The following UBE3A variants were observed in gnomAD, a reference collection of about 807,000 sequenced individuals.
The protein encoded by UBE3A is ubiquitin-protein ligase E3A.
In UBE3A, 6 loss-of-function variants were observed where a neutral mutation model predicts 83.4. That is an observed-to-expected ratio of 0.07 (90% CI 0.04 to 0.14). UBE3A has a LOEUF of 0.14. UBE3A is among the 10% of genes least tolerant of loss of function. The pLI is 1.00. For synonymous variants in UBE3A, 337 were observed against 355.4 expected (o/e 0.95, Z 0.58); for missense variants, 456 against 1,036.1 (o/e 0.44, Z 7.69).
At chr15:25,387,388 G>A (rs2083355274) in intron 4 of UBE3A, among the ~76,000 whole-genome samples, 1 of 152,160 alleles carries the variant, frequency 6.6e-6, no homozygotes, top group African/African-American at 2.4e-5. Flanking sequence ...CACACGTGGT[G>A]GCAGGCGCCT....
chr15:25,389,983 CCAA>C (rs1393444431), intron 4 of UBE3A, among the ~76,000 whole-genome samples: 2 of 152,090 alleles, frequency 1.3e-5, no homozygotes, highest in Admixed American at 1.3e-4. Context: ...AAAAAATTGG[CCAA>C]CAACCTTAAC....
At chr15:25,366,147 T>C (rs1392940045) in intron 6 of UBE3A, among the ~76,000 whole-genome samples, 2 of 152,218 alleles carry the variant, frequency 1.3e-5, no homozygotes, top group Non-Finnish European at 1.5e-5. Context: ...GAAATTACTT[T>C]GAGGGCATAA....
rs1308150859 is a variant in UBE3A at position 25,334,968 on chromosome 15, A to G, written c.*4169T>C. 6.6e-6 allele frequency: 1 copy of G among 151,858 alleles called. No homozygotes were observed. The highest frequency in any genetic ancestry group is 1.5e-5 in the Non-Finnish European group (1 of 68,032). 9.4% of individuals were successfully genotyped at this position (151,858 alleles called of 1,614,324 possible). ...AAGATAACAGAAAGATGGAGGTAAT[A>G]ACATGTGAAAGGCAAAATGGTTTGT... On this transcript the variant is annotated 3_prime_UTR_variant, in exon 13 of 13. Transcript: ENST00000648336.
chr15:25,424,368 A>G (rs1354998191), intron 1 of UBE3A, among the ~76,000 whole-genome samples: 1 of 152,142 alleles, frequency 6.6e-6, no homozygotes, highest in Non-Finnish European at 1.5e-5. Context: ...ATTTCAGTGA[A>G]GTTTTCTCTA....
rs1321792576 is a variant in UBE3A at position 25,416,824 on chromosome 15, AAAAC to A, written c.-164-4857_-164-4854del. Among the ~76,000 whole-genome samples the A allele has an allele frequency of 4.5e-4, 69 of 152,120 alleles. 1 individual carries two copies. Among genetic ancestry groups the A allele is most frequent in the African/African-American group, 1.6e-3 (68 of 41,432 alleles). On this transcript the variant is annotated intron_variant, in intron 1 of 12. Transcript: ENST00000648336. ...GAGGACTATAATGCATGAAAGGACAAAAACAAAGGAGGTGAGCCATCCACTGCTT... is the reference window on the plus strand; with the variant it reads ...GAGGACTATAATGCATGAAAGGACAAAAAGGAGGTGAGCCATCCACTGCTT...
intron 6 of UBE3A, among the ~76,000 whole-genome samples, chr15:25,369,287 A>ATT: frequency 6.6e-6 from 1 of 151,830 alleles, no homozygotes; most frequent in African/African-American, 2.4e-5. Flanking sequence ...CTCTGCTAGA[A>ATT]AACCACCTGA....
chr15:25,343,252 C>T (rs975170614), intron 11 of UBE3A, among the ~76,000 whole-genome samples: 2 of 152,002 alleles, frequency 1.3e-5, no homozygotes, highest in East Asian at 1.9e-4. Context: ...AAGAGTCTGG[C>T]GAATGAGAAG....
chr15:25,366,170 T>A (rs1264079433), intron 6 of UBE3A, among the ~76,000 whole-genome samples: 1 of 152,222 alleles, frequency 6.6e-6, no homozygotes, highest in African/African-American at 2.4e-5. Context: ...CAAGCATATT[T>A]CTTGGTTTCA....
Position 25,370,344 on chromosome 15 carries a change from C to T in UBE3A, c.1608+222G>A, listed in dbSNP as rs1193876135. Among the ~76,000 whole-genome samples, 1 of 152,100 alleles carries T rather than the reference C, an allele frequency of 6.6e-6. No homozygotes were observed. Among genetic ancestry groups the T allele is most frequent in the Admixed American group, 6.5e-5 (1 of 15,272 alleles). On this transcript the variant is annotated intron_variant, in intron 6 of 12. Transcript: ENST00000648336. The surrounding 1 kb of genome is among the most constrained non-coding windows in gnomAD (Gnocchi z 4.2). Reference sequence around the variant, plus strand: ...AAGATTTAGAAAACCCATTCTTTTTCAAAGATAGCATGACCATTATATAAT... The same window carrying T: ...AAGATTTAGAAAACCCATTCTTTTTTAAAGATAGCATGACCATTATATAAT...
rs1164371115 is a variant in UBE3A at position 25,367,223 on chromosome 15, A to ACATATTTGTAAATATGTAAATATTTG, written c.1608+3317_1608+3342dup. ...CATATTTGTAAATATGTAAATATTT[A>ACATATTTGTAAATATGTAAATATTTG]CATATTTGTAAATATGTAAATATTT... On this transcript the variant is annotated intron_variant, in intron 6 of 12. Coordinates refer to ENST00000648336, the MANE Select transcript of UBE3A (RefSeq NM_130839.5). Among the ~76,000 whole-genome samples, 478 of 56,302 alleles carry ACATATTTGTAAATATGTAAATATTTG rather than the reference A, an allele frequency of 8.5e-3. 1 individual carries two copies. The highest frequency in any genetic ancestry group is 0.044 in the South Asian group (96 of 2,176). The allele number at this position is 56,302 out of a possible 152,430, so 36.9% of individuals were successfully genotyped here.
In UBE3A at chr15:25,370,173, T is replaced by A. The variant is rs2080077127; in HGVS notation, c.1608+393A>T. Among the ~76,000 whole-genome samples, 1 of 152,242 alleles carries A rather than the reference T, an allele frequency of 6.6e-6. No individual in the cohort carries two copies. The highest frequency in any genetic ancestry group is 1.5e-5 in the Non-Finnish European group (1 of 68,052). On this transcript the variant is annotated intron_variant, in intron 6 of 12. Coordinates refer to ENST00000648336, the MANE Select transcript of UBE3A (RefSeq NM_130839.5). The surrounding 1 kb of genome is among the most constrained non-coding windows in gnomAD (Gnocchi z 4.2). ...ATTTTTTGGACACTACCTATAATTTTATGGTATGGTTTTACTGTACCATTA... is the reference window on the plus strand; with the variant it reads ...ATTTTTTGGACACTACCTATAATTTAATGGTATGGTTTTACTGTACCATTA...
At chr15:25,381,397 T>C (rs1259316945) in intron 4 of UBE3A, among the ~76,000 whole-genome samples, 1 of 152,086 alleles carries the variant, frequency 6.6e-6, no homozygotes, top group Non-Finnish European at 1.5e-5. Context: ...CAAGTAAGAT[T>C]AGAATTACAA....
rs1314100576 is a variant in UBE3A, at chr15:25,338,812, T to C, written c.*325A>G. 1 of 156,332 alleles carries C rather than the reference T, an allele frequency of 6.4e-6. No individual in the cohort carries two copies. The highest frequency in any genetic ancestry group is 1.4e-5 in the Non-Finnish European group (1 of 71,110). The allele number at this position is 156,332 out of a possible 1,614,324, so 9.7% of individuals were successfully genotyped here. ...GTAATAAACACAAGCAAAAGTGATT[T>C]AACCCTTAAAATAAATATTCAGAAA... On this transcript the variant is annotated 3_prime_UTR_variant, in exon 13 of 13. Coordinates refer to ENST00000648336, the MANE Select transcript of UBE3A (RefSeq NM_130839.5).
At chr15:25,395,223 C>G (rs762720935) in intron 4 of UBE3A, among the ~76,000 whole-genome samples, 2 of 152,148 alleles carry the variant, frequency 1.3e-5, no homozygotes, top group African/African-American at 2.4e-5. Flanking sequence ...CCAGTTCACA[C>G]AGGGCCATGT....
chr15:25,370,487 A>T lies in UBE3A; in HGVS notation c.1608+79T>A. ...TATGCTATATGGTATCATTTTTTTC[A>T]GTCACTTTTAAAATGAATTCACTGA... On this transcript the variant is annotated intron_variant, in intron 6 of 12. Transcript: ENST00000648336. This position sits in a 1 kb window ranked among gnomAD's most constrained non-coding sequence, Gnocchi z 4.2. The T allele has an allele frequency of 6.5e-7, 1 of 1,528,322 alleles. No individual in the cohort carries two copies. The highest frequency in any genetic ancestry group is 9.1e-7 in the Non-Finnish European group (1 of 1,102,658). 94.7% of individuals were successfully genotyped at this position (1,528,322 alleles called of 1,614,324 possible).
At chr15:25,384,197 C>T (rs932365207) in intron 4 of UBE3A, among the ~76,000 whole-genome samples, 4 of 152,092 alleles carry the variant, frequency 2.6e-5, no homozygotes, top group South Asian at 2.1e-4. Flanking sequence ...TGGTGGCTCA[C>T]GCCTGTAACC....
intron 7 of UBE3A, 44 bp downstream of exon 7, chr15:25,360,339 C>A: frequency 6.2e-7 from 1 of 1,611,276 alleles, no homozygotes; most frequent in South Asian, 1.1e-5. Context: ...ATAACTAACT[C>A]AAAAGATGAT....
chr15:25,369,374 C>CA lies in UBE3A; in HGVS notation c.1608+1191dup, dbSNP rs1448598954. ...TTAAAAAAAAAAAACAAACCAGTAACAAAAAAAAAAAAAACACACAAAATC... is the reference window on the plus strand; with the variant it reads ...TTAAAAAAAAAAAACAAACCAGTAACAAAAAAAAAAAAAAACACACAAAATC... On this transcript the variant is annotated intron_variant, in intron 6 of 12. Coordinates refer to ENST00000648336, the MANE Select transcript of UBE3A (RefSeq NM_130839.5). 9.4e-3 allele frequency among the ~76,000 whole-genome samples: 1,075 copies of CA among 114,284 alleles called. 3 individuals are homozygous for CA. Among genetic ancestry groups the CA allele is most frequent in the South Asian group, 0.021 (75 of 3,588 alleles). 75.0% of individuals were successfully genotyped at this position (114,284 alleles called of 152,430 possible).
At chr15:25,399,321 A>C (rs1376027363) in intron 4 of UBE3A, among the ~76,000 whole-genome samples, 1 of 152,168 alleles carries the variant, frequency 6.6e-6, no homozygotes, top group African/African-American at 2.4e-5. Context: ...TTATTCTGGT[A>C]GTTCTACAGT....
Sources: allele counts gnomAD v4.1 joint callset (sites outside exome capture counted in the v4.1 genomes callset), GRCh38; gene constraint gnomAD v4.1.1; non-coding constraint Gnocchi (gnomAD v3.1); transcripts MANE v1.5; gene names NCBI Gene and HGNC (gene_info 2026-07-23, HGNC 2026-07-21).